The following FBLN1 variants were observed in gnomAD, a reference collection of about 807,000 sequenced individuals.
FBLN1 encodes fibulin 1, also known as fibulin-1.
In FBLN1, 34 loss-of-function variants were observed where a neutral mutation model predicts 89.7. The ratio of observed to expected loss-of-function variants is 0.38; its 90% CI spans 0.29 to 0.50. The LOEUF (loss-of-function observed/expected upper bound fraction) is 0.50, where lower values mean the gene tolerates loss of function less well. Among genes scored for constraint, FBLN1 ranks in the 20% least tolerant of loss-of-function variants. The pLI is 0.92. For missense variants in FBLN1, 777 were observed against 988.1 expected (o/e 0.79, Z 2.86); for synonymous variants, 393 against 391.3 (o/e 1.00, Z -0.05).
chr22:45,520,280 G>A (rs1285775871), intron 2 of FBLN1, among the ~76,000 whole-genome samples: 3 of 152,192 alleles, frequency 2.0e-5, no homozygotes, highest in African/African-American at 7.2e-5. Context: ...ATAAGGGGCA[G>A]GGTGGCTCAA....
rs200393304 is a variant in FBLN1, at chr22:45,550,658, C to G, written c.1697+43C>G. Reference sequence around the variant, plus strand: ...TGCCATCGTCGTCTGTCTGTGTTGGCCTTCCTGGTGACCCAGTTCCCGGGT... The same window carrying G: ...TGCCATCGTCGTCTGTCTGTGTTGGGCTTCCTGGTGACCCAGTTCCCGGGT... On this transcript the variant is annotated intron_variant, in intron 14 of 16. Transcript: ENST00000327858. This position sits in a 1 kb window ranked among gnomAD's most constrained non-coding sequence, Gnocchi z 8.4. The G allele has an allele frequency of 6.8e-6, 11 of 1,613,810 alleles. No homozygotes were observed. The East Asian group carries it at 1.6e-4, about 23-fold the overall frequency.
chr22:45,585,525 T>C (rs146145933), intron 16 of FBLN1, among the ~76,000 whole-genome samples: 1 of 152,286 alleles, frequency 6.6e-6, no homozygotes, highest in African/African-American at 2.4e-5. Flanking sequence ...CAACGATGAG[T>C]GATTGCCCTG....
intron 4 of FBLN1, among the ~76,000 whole-genome samples, chr22:45,529,761 G>T (rs1199657796): frequency 6.6e-6 from 1 of 152,250 alleles, no homozygotes; most frequent in Non-Finnish European, 1.5e-5. Flanking sequence ...AGCTACTTGG[G>T]AGGCTGAGGC....
chr22:45,503,729 C>T (rs1396192421), intron 1 of FBLN1, among the ~76,000 whole-genome samples: 1 of 152,172 alleles, frequency 6.6e-6, no homozygotes. Context: ...GTGGTTCTGC[C>T]GGGCTCGGTG....
intron 3 of FBLN1, among the ~76,000 whole-genome samples, chr22:45,527,011 C>A (rs752747924): frequency 6.6e-6 from 1 of 152,132 alleles, no homozygotes; most frequent in African/African-American, 2.4e-5. Flanking sequence ...TTACTCACAC[C>A]CCAAAAGATG....
At chr22:45,522,188 T>C (rs553956670) in intron 2 of FBLN1, among the ~76,000 whole-genome samples, 2 of 152,296 alleles carry the variant, frequency 1.3e-5, no homozygotes, top group East Asian at 3.9e-4. Flanking sequence ...AGTTTCACCA[T>C]GTTGGCCAGG....
At chr22:45,584,400 C>T (rs963101232) in intron 16 of FBLN1, among the ~76,000 whole-genome samples, 57 of 152,170 alleles carry the variant, frequency 3.7e-4, no homozygotes, top group Admixed American at 2.5e-3. Context: ...AGGATTATTA[C>T]CCAATTTCAA....
intron 16 of FBLN1, among the ~76,000 whole-genome samples, chr22:45,594,732 A>AGATG (rs749952169): frequency 8.3e-5 from 9 of 108,470 alleles, no homozygotes; most frequent in Non-Finnish European, 1.3e-4. Context: ...ATGGATGGAT[A>AGATG]GATGGATGGG....
chr22:45,520,490 TAAC>T (rs1316764798), intron 2 of FBLN1, among the ~76,000 whole-genome samples: 1 of 152,136 alleles, frequency 6.6e-6, no homozygotes, highest in East Asian at 1.9e-4. Flanking sequence ...CAGCCTGCCC[TAAC>T]AACCTCATTT....
At chr22:45,534,420 A>G (rs1286236048) in intron 7 of FBLN1, among the ~76,000 whole-genome samples, 2 of 152,146 alleles carry the variant, frequency 1.3e-5, no homozygotes, top group Non-Finnish European at 2.9e-5. Context: ...CCACTGCATA[A>G]ACACATGGCA....
chr22:45,587,755 C>T (rs2089100735), intron 16 of FBLN1, among the ~76,000 whole-genome samples: 1 of 152,218 alleles, frequency 6.6e-6, no homozygotes, highest in Non-Finnish European at 1.5e-5. Flanking sequence ...CATGGCCTCT[C>T]TCCTCTCCTG....
intron 14 of FBLN1, among the ~76,000 whole-genome samples, chr22:45,552,800 T>A (rs748909657): frequency 7.7e-4 from 118 of 152,316 alleles, no homozygotes; most frequent in Admixed American, 1.9e-3. Flanking sequence ...GGCTCGGCCT[T>A]GTGGACAGGA....
rs1251020221 is a variant in FBLN1, at chr22:45,577,975, T to C, written c.1972+867T>C. 6.6e-6 allele frequency: 1 copy of C among 152,530 alleles called. No homozygotes were observed. The highest frequency in any genetic ancestry group is 2.4e-5 in the African/African-American group (1 of 41,450). 9.4% of individuals were successfully genotyped at this position (152,530 alleles called of 1,614,324 possible). A position where few individuals can be genotyped will look rare whatever the true frequency, so the allele number is the denominator to read the frequency against. On this transcript the variant is annotated intron_variant, in intron 16 of 16. Coordinates refer to ENST00000327858, the MANE Select transcript of FBLN1 (RefSeq NM_006486.3). This position sits in a 1 kb window ranked among gnomAD's most constrained non-coding sequence, Gnocchi z 6.6. ...GAAATGAAAACGGTGGCATCTGCCA[T>C]TTTGGACTCGGATTTATACTCTGAA...
chr22:45,586,035 A>G (rs2089082756), intron 16 of FBLN1, among the ~76,000 whole-genome samples: 1 of 152,152 alleles, frequency 6.6e-6, no homozygotes, highest in East Asian at 1.9e-4. Context: ...GGTAGCATTA[A>G]TGGGGTACAG....
intron 1 of FBLN1, among the ~76,000 whole-genome samples, chr22:45,514,796 G>A (rs1257075233): frequency 1.3e-5 from 2 of 152,178 alleles, no homozygotes; most frequent in African/African-American, 2.4e-5. Context: ...CCCTGGCCCC[G>A]AAGGAGGTTT....
At chr22:45,503,772 C>T (rs2087980632) in intron 1 of FBLN1, among the ~76,000 whole-genome samples, 1 of 152,146 alleles carries the variant, frequency 6.6e-6, no homozygotes. Flanking sequence ...TCACTTCCAC[C>T]AACGGCAAGG....
intron 2 of FBLN1, among the ~76,000 whole-genome samples, chr22:45,522,734 G>T (rs889526534): frequency 4.6e-5 from 7 of 152,208 alleles, no homozygotes; most frequent in Non-Finnish European, 1.0e-4. Context: ...TAAAACTTTG[G>T]ATTAGATTAA....
chr22:45,591,788 C>T (rs768957751), intron 16 of FBLN1, among the ~76,000 whole-genome samples: 70 of 93,978 alleles, frequency 7.4e-4, no homozygotes, highest in East Asian at 2.5e-4. Flanking sequence ...GTGTCCTGCG[C>T]GCCATTTTGC....
At chr22:45,547,713 C>T (rs2088650619) in intron 12 of FBLN1, among the ~76,000 whole-genome samples, 1 of 152,004 alleles carries the variant, frequency 6.6e-6, no homozygotes, top group African/African-American at 2.4e-5. Context: ...AACTGAAATT[C>T]TAATATACTT....
Sources: gnomAD v4.1 joint callset for allele counts (sites outside exome capture counted in the v4.1 genomes callset) on GRCh38, gnomAD v4.1.1 for gene constraint, Gnocchi (gnomAD v3.1) non-coding constraint, MANE v1.5 for transcripts, NCBI Gene and HGNC (gene_info 2026-07-23, HGNC 2026-07-21) for gene names.